TRIM7: variants seen among roughly 807,000 people sequenced by gnomAD.
TRIM7 encodes the protein E3 ubiquitin-protein ligase TRIM7.
A neutral mutation model predicts 37.9 loss-of-function variants in TRIM7; 32 were observed. That is an observed-to-expected ratio of 0.84 (90% CI 0.64 to 1.13). TRIM7 has a LOEUF of 1.13. TRIM7 is among the 50% of genes most tolerant of loss of function. The pLI is 0.00. For missense variants in TRIM7, 732 were observed against 714.0 expected, an observed-to-expected ratio of 1.03 and a Z score of -0.29; for synonymous variants, 351 against 321.3, an observed-to-expected ratio of 1.09 and a Z score of -0.99.
In TRIM7 at chr5:181,204,919, A is replaced by G; in HGVS notation, c.192T>C (p.Ser64=). The G allele has an allele frequency of 7.2e-7, 1 of 1,397,130 alleles. No individual in the cohort carries two copies. The highest frequency in any genetic ancestry group is 9.2e-7 in the Non-Finnish European group (1 of 1,086,378). 86.5% of individuals were successfully genotyped at this position (1,397,130 alleles called of 1,614,324 possible). Residue 64 remains serine, a synonymous_variant, in exon 1 of 7, where the codon TCT becomes TCC. Transcript: ENST00000274773. The part of the protein sequence containing the change: ...GRCWERPGAG[S]VGAATRAPPF... ...GGGGCGCGCGGGTGGCGGCCCCAAC[A>G]GACCCCGCGCCCGGGCGCTCCCAGC...
intron 5 of TRIM7, 53 bp downstream of exon 5, chr5:181,198,637 A>C (rs2113066485): frequency 7.8e-7 from 1 of 1,284,922 alleles, no homozygotes; most frequent in Middle Eastern, 1.9e-4. Context: ...AGCTACCAGG[A>C]ACCCTCCACC....
rs141934054 is a variant in TRIM7 at position 181,200,670 on chromosome 5, C to T, written c.619-589G>A. The T allele has an allele frequency of 3.2e-4, 317 of 997,448 alleles. 1 individual carries two copies. In the African/African-American group the frequency reaches 5.2e-3, roughly 16 times the overall value. 61.8% of individuals were successfully genotyped at this position (997,448 alleles called of 1,614,324 possible). A position where few individuals can be genotyped will look rare whatever the true frequency, so the allele number is the denominator to read the frequency against. On this transcript the variant is annotated intron_variant, in intron 2 of 6. Transcript: ENST00000274773. ...CCCCAAGGAACGAAGTGAGAATATG[C>T]GGCATGCAAGTGTCATATTCTGTTC...
chr5:181,194,474 G>C lies in TRIM7; in HGVS notation c.*692C>G, dbSNP rs971255999. On this transcript the variant is annotated 3_prime_UTR_variant, in exon 7 of 7. Transcript: ENST00000274773. ...TTGGCACTGGAAAGTGCGGGAGTCA[G>C]GGGTTTGTGAGAGCACGTGTTGGTT... The C allele has an allele frequency of 9.4e-6, 1 of 106,726 alleles. No individual in the cohort carries two copies. Among genetic ancestry groups the C allele is most frequent in the Non-Finnish European group, 1.7e-5 (1 of 60,282 alleles). 6.6% of individuals were successfully genotyped at this position (106,726 alleles called of 1,614,324 possible). A position where few individuals can be genotyped will look rare whatever the true frequency, so the allele number is the denominator to read the frequency against.
At chr5:181,200,975 G>A (rs912782559) in intron 2 of TRIM7, 4 of 950,870 alleles carry the variant, frequency 4.2e-6, no homozygotes, top group Non-Finnish European at 5.0e-6. Flanking sequence ...AACCCTGACG[G>A]CAGCCCAGTG....
chr5:181,198,951 G>C (rs1757308465), intron 4 of TRIM7, 144 bp downstream of exon 4: 2 of 1,228,164 alleles, frequency 1.6e-6, no homozygotes, highest in Admixed American at 3.7e-5. Flanking sequence ...GGCCAGGCAG[G>C]TGGGCGTTTG....
intron 2 of TRIM7, chr5:181,200,776 T>A: frequency 1.0e-6 from 1 of 986,002 alleles, no homozygotes; most frequent in Non-Finnish European, 1.2e-6. Context: ...ATTTTTTATG[T>A]GAACACACGT....
At chr5:181,201,768 G>T (rs1466541760) in intron 2 of TRIM7, among the ~76,000 whole-genome samples, 2 of 152,192 alleles carry the variant, frequency 1.3e-5, no homozygotes, top group East Asian at 3.8e-4. Flanking sequence ...GAATGTGGGG[G>T]TGGATGGATG....
intron 3 of TRIM7, 43 bp downstream of exon 3, chr5:181,199,808 C>T: frequency 1.3e-6 from 2 of 1,573,894 alleles, no homozygotes; most frequent in Non-Finnish European, 1.7e-6. Flanking sequence ...GGTCCTGATG[C>T]CTTAGGATAA....
intron 2 of TRIM7, 67 bp downstream of exon 2, chr5:181,203,478 G>A (rs1757631635): frequency 1.2e-6 from 2 of 1,603,276 alleles, no homozygotes; most frequent in Non-Finnish European, 8.5e-7. Context: ...CACACACACC[G>A]AGCCCTGGTG....
In TRIM7 at chr5:181,195,317, C is replaced by T. The variant is rs1757027757; in HGVS notation, c.1385G>A (p.Arg462Gln). 1 of 1,595,580 alleles carries T rather than the reference C, an allele frequency of 6.3e-7. No homozygotes were observed. Among genetic ancestry groups the T allele is most frequent in the Non-Finnish European group, 8.5e-7 (1 of 1,171,590 alleles). Residue 462 changes from arginine (R) to glutamine (Q), a missense_variant, in exon 7 of 7, where the codon CGG (arginine) becomes CAG (glutamine). Transcript: ENST00000274773. ...TCCCACCTCCAGGTCCAGGGCCACC[C>T]GCACGCGCGACAGGTGCCCGCAGCT... ...PLSCGHLSRV[R>Q]VALDLEVGAV...
At chr5:181,202,630 G>C (rs1201921362) in intron 2 of TRIM7, 1 of 147,948 alleles carries the variant, frequency 6.8e-6, no homozygotes, top group Non-Finnish European at 1.5e-5. Context: ...GCAGTGGCGC[G>C]ATCTCGGCTC....
chr5:181,204,713 TGCTGCCCGCAGCGGGCAGCC>T lies in TRIM7; in HGVS notation c.378_397del (p.Ala127TrpfsTer59), dbSNP rs1561652937. 9.4e-6 allele frequency: 14 copies of T among 1,486,578 alleles called. No individual in the cohort carries two copies. The South Asian group carries it at 1.3e-4, about 13-fold the overall frequency. 92.1% of individuals were successfully genotyped at this position (1,486,578 alleles called of 1,614,324 possible). ...GCAGTAGAGCTTGAAGGGTTCGCCA[TGCTGCCCGCAGCGGGCAGCC>T]GCTGCCCGGGCCGCGGCCGCCTGAG... On this transcript the variant is annotated frameshift_variant, in exon 1 of 7. Transcript: ENST00000274773. LOFTEE classifies it high-confidence loss of function.
chr5:181,205,028 G>T lies in TRIM7; in HGVS notation c.83C>A (p.Thr28Lys), dbSNP rs1217049680. 6.9e-7 allele frequency: 1 copy of T among 1,452,248 alleles called. No homozygotes were observed. The highest frequency in any genetic ancestry group is 9.0e-7 in the Non-Finnish European group (1 of 1,109,244). The allele number at this position is 1,452,248 out of a possible 1,614,324, so 90.0% of individuals were successfully genotyped here. A position where few individuals can be genotyped will look rare whatever the true frequency, so the allele number is the denominator to read the frequency against. ...ALAAELQGEA[T>K]CSICLELFRE... ...AAAGAGCTCTAGGCAGATGGAGCAC[G>T]TCGCCTCGCCCTGCAGCTCTGCCGC... Residue 28 changes from threonine (T) to lysine (K), a missense_variant, in exon 1 of 7, where the codon ACG (threonine) becomes AAG (lysine). By Grantham distance (78) the Thr-to-Lys change is moderately conservative. Transcript: ENST00000274773.
Position 181,204,997 on chromosome 5 carries a change from C to G in TRIM7, c.114G>C (p.Glu38Asp). ...TGTGGCCGCACTCGACGGACACCGG[C>G]TCACGAAAGAGCTCTAGGCAGATGG... is the stretch of plus-strand genomic sequence containing the variant. Reference protein sequence around the residue: ...TCSICLELFREPVSVECGHSF... With the variant: ...TCSICLELFRDPVSVECGHSF... Residue 38 changes from glutamate to aspartate, a missense_variant, in exon 1 of 7, where the codon GAG becomes GAC. Coordinates refer to ENST00000274773, the MANE Select transcript of TRIM7 (RefSeq NM_203293.3). The G allele has an allele frequency of 1.3e-6, 2 of 1,487,686 alleles. No individual in the cohort carries two copies. The highest frequency in any genetic ancestry group is 1.8e-6 in the Non-Finnish European group (2 of 1,127,322). The allele number at this position is 1,487,686 out of a possible 1,614,324, so 92.2% of individuals were successfully genotyped here.
At chr5:181,200,167 G>C (rs761813342) in intron 2 of TRIM7, 86 bp from the exon 3 acceptor site, 6 of 1,608,508 alleles carry the variant, frequency 3.7e-6, no homozygotes, top group Non-Finnish European at 5.1e-6. Flanking sequence ...ACAGGGCAAG[G>C]CTTCGTCCCT....
intron 3 of TRIM7, chr5:181,199,409 A>T (rs1257618298): frequency 1.3e-5 from 7 of 533,776 alleles, no homozygotes; most frequent in Non-Finnish European, 1.7e-5. Context: ...CATGGGACCC[A>T]GTGCTGCGTG....
At chr5:181,197,997 C>T (rs2113063132) in intron 6 of TRIM7, 186 bp downstream of exon 6, 4 of 628,772 alleles carry the variant, frequency 6.4e-6, no homozygotes, top group Non-Finnish European at 8.5e-6. Flanking sequence ...GGGCCAACAT[C>T]TGAGGGTGTC....
At chr5:181,199,070 C>A in intron 4 of TRIM7, 25 bp downstream of exon 4, 1 of 1,614,004 alleles carries the variant, frequency 6.2e-7, no homozygotes, top group South Asian at 1.1e-5. Context: ...CTTAGAGAGG[C>A]CCCAGGAGCT....
At chr5:181,203,406 A>T in intron 2 of TRIM7, 139 bp downstream of exon 2, 1 of 1,512,680 alleles carries the variant, frequency 6.6e-7, no homozygotes, top group Non-Finnish European at 8.8e-7. Flanking sequence ...CACCCTATAT[A>T]ATATGGACTC....
Sources: allele counts gnomAD v4.1 joint callset (sites outside exome capture counted in the v4.1 genomes callset), GRCh38; gene constraint gnomAD v4.1.1; transcripts MANE v1.5; gene names NCBI Gene and HGNC (gene_info 2026-07-23, HGNC 2026-07-21).